NAT2: variants seen among roughly 807,000 people sequenced by gnomAD.
NAT2 encodes the protein N-acetyltransferase 2.
For synonymous variants in NAT2, 137 were observed against 125.9 expected, an observed-to-expected ratio of 1.09 and a Z score of -0.59; for missense variants, 428 against 339.1, an observed-to-expected ratio of 1.26 and a Z score of -2.06.
intron 1 of NAT2, among the ~76,000 whole-genome samples, chr8:18,394,299 G>A (rs35149886): frequency 0.34 from 51,460 of 152,052 alleles, 9,412 homozygotes; most frequent in Middle Eastern, 0.43. Context: ...ATCTGGATGT[G>A]TACATGCAGG....
chr8:18,396,211 C>T (rs925746104), intron 1 of NAT2, among the ~76,000 whole-genome samples: 1 of 151,530 alleles, frequency 6.6e-6, no homozygotes, highest in Non-Finnish European at 1.5e-5. Context: ...CTAATAAAAC[C>T]CTGATATTTT....
In NAT2 at chr8:18,400,595, A is replaced by G; in HGVS notation, c.592A>G (p.Thr198Ala). ...KIYLFTLEPR[T>A]IEDFESMNTY... is the part of the protein sequence containing the mutation. ...ATACTTATTTACGCTTGAACCTCGA[A>G]CAATTGAAGATTTTGAGTCTATGAA... is the stretch of plus-strand genomic sequence containing the variant. Residue 198 changes from threonine (T) to alanine (A), a missense_variant, in exon 2 of 2, where the codon ACA (threonine) becomes GCA (alanine). Transcript: ENST00000286479. 6.2e-7 allele frequency: 1 copy of G among 1,613,376 alleles called. No homozygotes were observed. The highest frequency in any genetic ancestry group is 8.5e-7 in the Non-Finnish European group (1 of 1,179,870).
upstream of NAT2, among the ~76,000 whole-genome samples, chr8:18,388,504 CAAA>C (rs11390514): frequency 8.9e-5 from 7 of 78,470 alleles, no homozygotes; most frequent in East Asian, 3.8e-4. Context: ...AGATAATAAG[CAAA>C]AAAAAAAAAA....
chr8:18,396,312 T>G (rs1800688943), intron 1 of NAT2, among the ~76,000 whole-genome samples: 1 of 152,248 alleles, frequency 6.6e-6, no homozygotes, highest in South Asian at 2.1e-4. Flanking sequence ...CTTTCAAATT[T>G]TAGCCAGCTG....
chr8:18,389,874 A>G (rs1335605428), upstream of NAT2, among the ~76,000 whole-genome samples: 1 of 152,210 alleles, frequency 6.6e-6, no homozygotes, highest in African/African-American at 2.4e-5. Flanking sequence ...CACAAGACAA[A>G]GATTTGTATT....
rs1354992629 is a variant in NAT2, at chr8:18,400,500, G to C, written c.497G>C (p.Arg166Thr). The change falls in exon 2 of 2, where the codon AGA becomes ACA. Residue 166 changes from arginine to threonine, a missense_variant. Arg to Thr is a moderately conservative substitution (Grantham distance 71). Transcript: ENST00000286479. ...ATCTGGTACCTGGACCAAATCAGGA[G>C]AGAGCAGTATATTACAAACAAAGAA... ...RGIWYLDQIR[R>T]EQYITNKEFL... is the part of the protein sequence containing the mutation. The C allele has an allele frequency of 6.2e-7, 1 of 1,613,826 alleles. No homozygotes were observed. Among genetic ancestry groups the C allele is most frequent in the Non-Finnish European group, 8.5e-7 (1 of 1,179,946 alleles).
intron 1 of NAT2, among the ~76,000 whole-genome samples, chr8:18,399,307 C>G (rs1179240660): frequency 6.6e-6 from 1 of 152,110 alleles, no homozygotes; most frequent in Admixed American, 6.6e-5. Flanking sequence ...CCCTGTGCAC[C>G]CACTAACCCC....
In NAT2 at chr8:18,400,608, T is replaced by C. The variant is rs1450863488; in HGVS notation, c.605T>C (p.Phe202Ser). The C allele has an allele frequency of 6.2e-7, 1 of 1,613,760 alleles. No individual in the cohort carries two copies. Among genetic ancestry groups the C allele is most frequent in the Non-Finnish European group, 8.5e-7 (1 of 1,179,930 alleles). Residue 202 changes from phenylalanine (F) to serine (S), a missense_variant, in exon 2 of 2, where the codon TTT becomes TCT. Physicochemically the swap from Phe to Ser is radical, Grantham distance 155. Transcript: ENST00000286479. Reference sequence around the variant, plus strand: ...CTTGAACCTCGAACAATTGAAGATTTTGAGTCTATGAATACATACCTGCAG... The same window carrying C: ...CTTGAACCTCGAACAATTGAAGATTCTGAGTCTATGAATACATACCTGCAG... Reference protein sequence around the residue: ...FTLEPRTIEDFESMNTYLQTS... With the variant: ...FTLEPRTIEDSESMNTYLQTS...
At chr8:18,399,139 C>T (rs1800745709) in intron 1 of NAT2, among the ~76,000 whole-genome samples, 1 of 152,162 alleles carries the variant, frequency 6.6e-6, no homozygotes, top group African/African-American at 2.4e-5. Flanking sequence ...CTGGATGTTT[C>T]CTCAACACTT....
At chr8:18,386,728 G>C (rs10094594), upstream of NAT2, among the ~76,000 whole-genome samples, 151,990 of 152,242 alleles carry the variant, frequency 1, 75,871 homozygotes, top group Middle Eastern at 1. Flanking sequence ...CCACCCACCC[G>C]TACCAAGGTT....
At chr8:18,394,415 T>C (rs1017611040) in intron 1 of NAT2, among the ~76,000 whole-genome samples, 1 of 152,180 alleles carries the variant, frequency 6.6e-6, no homozygotes, top group Non-Finnish European at 1.5e-5. Context: ...ATTTTTTGCA[T>C]AAAGGGCAGC....
In NAT2 at chr8:18,398,307, C is replaced by T. The variant is rs117988836; in HGVS notation, c.-6-1691C>T. Among the ~76,000 whole-genome samples the T allele has an allele frequency of 6.6e-5, 10 of 152,286 alleles. No homozygotes were observed. In the East Asian group the frequency reaches 1.9e-3, roughly 29 times the overall value. On this transcript the variant is annotated intron_variant, in intron 1 of 1. Coordinates refer to ENST00000286479, the MANE Select transcript of NAT2 (RefSeq NM_000015.3). Reference sequence around the variant, plus strand: ...ACTCCTTCCTTCTGGGTATAGGGATCTTATGACCTACAATCCAACAAGGTA... The same window carrying T: ...ACTCCTTCCTTCTGGGTATAGGGATTTTATGACCTACAATCCAACAAGGTA...
intron 1 of NAT2, among the ~76,000 whole-genome samples, chr8:18,398,073 T>A (rs1379082230): frequency 1.3e-5 from 2 of 152,214 alleles, no homozygotes; most frequent in African/African-American, 2.4e-5. Context: ...AGAGAAGGCA[T>A]GCAGATTTGT....
At chr8:18,397,922 C>A (rs1447285045) in intron 1 of NAT2, among the ~76,000 whole-genome samples, 1 of 151,914 alleles carries the variant, frequency 6.6e-6, no homozygotes, top group East Asian at 1.9e-4. Flanking sequence ...TGAAGTGTTT[C>A]GTCTTAAAGC....
intron 1 of NAT2, among the ~76,000 whole-genome samples, chr8:18,396,083 G>A (rs1044188397): frequency 6.6e-6 from 1 of 150,816 alleles, no homozygotes; most frequent in African/African-American, 2.4e-5. Flanking sequence ...TAATGCTAAA[G>A]TTAGCATTAA....
At chr8:18,397,040 A>G (rs1800704100) in intron 1 of NAT2, among the ~76,000 whole-genome samples, 1 of 152,188 alleles carries the variant, frequency 6.6e-6, no homozygotes, top group African/African-American at 2.4e-5. Context: ...GCTCATTTCC[A>G]ATTAAGTAGA....
Position 18,400,811 on chromosome 8 carries a change from A to C in NAT2, c.808A>C (p.Ile270Leu). Reference protein sequence around the residue: ...EEEVEEVLRNIFKISLGRNLV... With the variant: ...EEEVEEVLRNLFKISLGRNLV... ...AGAGGTTGAAGAAGTGCTGAGAAAT[A>C]TATTTAAGATTTCCTTGGGGAGAAA... Residue 270 changes from isoleucine to leucine, a missense_variant, in exon 2 of 2, where the codon ATA (isoleucine) becomes CTA (leucine). Physicochemically the swap from Ile to Leu is conservative, Grantham distance 5. Coordinates refer to ENST00000286479, the MANE Select transcript of NAT2 (RefSeq NM_000015.3). 1 of 1,610,924 alleles carries C rather than the reference A, an allele frequency of 6.2e-7. No homozygotes were observed. The highest frequency in any genetic ancestry group is 8.5e-7 in the Non-Finnish European group (1 of 1,179,294).
Position 18,400,132 on chromosome 8 carries a change from T to C in NAT2, c.129T>C (p.His43=), listed in dbSNP as rs370796160. ...RAVPFENLNM[H]CGQAMELGLE... ...TTCCCTTTGAGAACCTTAACATGCATTGTGGGCAAGCCATGGAGTTGGGCT... is the reference window on the plus strand; with the variant it reads ...TTCCCTTTGAGAACCTTAACATGCACTGTGGGCAAGCCATGGAGTTGGGCT... Residue 43 remains histidine, a synonymous_variant, in exon 2 of 2, where the codon CAT becomes CAC. Transcript: ENST00000286479. The C allele has an allele frequency of 8.7e-6, 14 of 1,613,918 alleles. No homozygotes were observed. The highest frequency in any genetic ancestry group is 3.3e-4 in the Middle Eastern group (2 of 6,084).
At chr8:18,394,559 G>C (rs7011792) in intron 1 of NAT2, among the ~76,000 whole-genome samples, 51,656 of 151,910 alleles carry the variant, frequency 0.34, 9,499 homozygotes, top group Middle Eastern at 0.44. Context: ...GTTTCTACGA[G>C]ATACCTGTAT....
Sources: gnomAD v4.1 joint callset for allele counts (sites outside exome capture counted in the v4.1 genomes callset) on GRCh38, gnomAD v4.1.1 for gene constraint, MANE v1.5 for transcripts, NCBI Gene and HGNC (gene_info 2026-07-23, HGNC 2026-07-21) for gene names.